Variants in LRRC9 observed in about 807,000 individuals in gnomAD.
LRRC9 encodes leucine rich repeat containing 9.
A neutral mutation model predicts 63.2 loss-of-function variants in LRRC9; 122 were observed. The observed-to-expected ratio is 1.93, with a 90% CI of 1.67 to 2.24. LRRC9 has a LOEUF of 2.24. Among genes scored for constraint, LRRC9 ranks in the 30% most tolerant of loss-of-function variants. The pLI is 0.00. For missense variants in LRRC9, 1,071 were observed against 627.7 expected (o/e 1.71, Z -7.55); for synonymous variants, 366 against 213.1 (o/e 1.72, Z -6.25).
rs150559184 is a variant in LRRC9, at chr14:60,037,883, G to A, written c.3990+5820G>A. ...TGGTATTGTCTAGGTTTTCTTCTAG[G>A]GTTTTTATGGTTTTAGGTCTAAATT... On this transcript the variant is annotated intron_variant, in intron 29 of 31. Coordinates refer to ENST00000445360, the Ensembl canonical transcript of LRRC9. 3.4e-3 allele frequency among the ~76,000 whole-genome samples: 516 copies of A among 152,128 alleles called. 18 individuals carry two copies. The East Asian group carries it at 0.058, about 17-fold the overall frequency.
intron 7 of LRRC9, among the ~76,000 whole-genome samples, chr14:59,939,661 C>G (rs1035155794): frequency 9.9e-5 from 15 of 151,790 alleles, no homozygotes; most frequent in Admixed American, 2.0e-4. Context: ...ATATTAAGTA[C>G]AGAGGAAAGA....
rs938250486 is a variant in LRRC9 at position 59,930,983 on chromosome 14, CA to C, written c.337del (p.Ile113Ter). 5 of 446,734 alleles carry C rather than the reference CA, an allele frequency of 1.1e-5. No individual in the cohort carries two copies. Among genetic ancestry groups the C allele is most frequent in the Non-Finnish European group, 2.0e-5 (5 of 246,842 alleles). The allele number at this position is 446,734 out of a possible 1,614,324, so 27.7% of individuals were successfully genotyped here. On this transcript the variant is annotated frameshift_variant, in exon 4 of 32. Transcript: ENST00000445360. LOFTEE classifies it high-confidence loss of function. This position sits in a 1 kb window ranked among gnomAD's most constrained non-coding sequence, Gnocchi z 4.9. ...TATATTTATATTTTAATAAAATTTC[CA>C]AAATAGAAAATTTAGAGAAATTAAT...
chr14:59,979,279 T>C (rs1886651885), intron 15 of LRRC9, among the ~76,000 whole-genome samples: 1 of 152,178 alleles, frequency 6.6e-6, no homozygotes. Flanking sequence ...ATTTATCTTA[T>C]ATATGTTGCA....
At position 59,938,551 on chromosome 14, in the gene LRRC9, G is replaced by A; in HGVS notation, c.705G>A (p.Lys235=). The change falls in exon 7 of 32, where the codon AAG becomes AAA. Residue 235 remains lysine (K), a synonymous_variant. Transcript: ENST00000445360. The surrounding 1 kb of genome is among the most constrained non-coding windows in gnomAD (Gnocchi z 4.2). ...TTGACACATTGGATGTGTCAGCAAA[G>A]CAAATCAAGGAACTGGCAGATGTAA... The A allele has an allele frequency of 1.4e-6, 1 of 692,162 alleles. No homozygotes were observed. The highest frequency in any genetic ancestry group is 2.6e-6 in the Non-Finnish European group (1 of 380,512). 42.9% of individuals were successfully genotyped at this position (692,162 alleles called of 1,614,324 possible). A position where few individuals can be genotyped will look rare whatever the true frequency, so the allele number is the denominator to read the frequency against.
chr14:59,968,756 T>C (rs1885138637), intron 12 of LRRC9, among the ~76,000 whole-genome samples: 3 of 152,024 alleles, frequency 2.0e-5, no homozygotes, highest in Admixed American at 2.0e-4. Flanking sequence ...CACTTCTGTG[T>C]TTTCCACCTA....
At chr14:59,995,372 A>G (rs1888650086) in intron 17 of LRRC9, among the ~76,000 whole-genome samples, 1 of 152,016 alleles carries the variant, frequency 6.6e-6, no homozygotes, top group South Asian at 2.1e-4. Context: ...TAACAATTAC[A>G]ATTCTAATTT....
intron 11 of LRRC9, 72 bp from the exon 12 acceptor site, chr14:59,967,024 T>C: frequency 7.2e-6 from 4 of 555,938 alleles, no homozygotes; most frequent in East Asian, 5.6e-5. Flanking sequence ...GCAGGACATA[T>C]GGTTATCTTA....
chr14:59,955,467 T>C (rs2139936487), intron 8 of LRRC9, among the ~76,000 whole-genome samples: 1 of 152,348 alleles, frequency 6.6e-6, no homozygotes, highest in East Asian at 1.9e-4. Context: ...GTAGTTTGTA[T>C]TTCTGTGGGA....
chr14:59,949,673 G>A lies in LRRC9; in HGVS notation c.882+4929G>A, dbSNP rs150671. Among the ~76,000 whole-genome samples, 965 of 150,918 alleles carry A rather than the reference G, an allele frequency of 6.4e-3. 12 individuals are homozygous for A. Among genetic ancestry groups the A allele is most frequent in the African/African-American group, 0.019 (761 of 40,972 alleles). ...TCCCTCTACACACTGCTTTGAATGC[G>A]TCCCAGAGATTCTGGTATGTTGTGT... On this transcript the variant is annotated intron_variant, in intron 8 of 31. Transcript: ENST00000445360.
At position 59,990,546 on chromosome 14, in the gene LRRC9, C is replaced by A. The variant is rs1437522707; in HGVS notation, c.2211+5322C>A. On this transcript the variant is annotated intron_variant, in intron 17 of 31. Transcript: ENST00000445360. This position sits in a 1 kb window ranked among gnomAD's most constrained non-coding sequence, Gnocchi z 4.2. ...TCAGCCTCCTGGGTAGCTGGAACTACAGGTGCATGCCACCACACCCTGCTA... is the reference window on the plus strand; with the variant it reads ...TCAGCCTCCTGGGTAGCTGGAACTAAAGGTGCATGCCACCACACCCTGCTA... Among the ~76,000 whole-genome samples, 3 of 151,870 alleles carry A rather than the reference C, an allele frequency of 2.0e-5. No individual in the cohort carries two copies. Among genetic ancestry groups the A allele is most frequent in the African/African-American group, 7.3e-5 (3 of 41,320 alleles).
rs1021058031 is a variant in LRRC9, at chr14:60,051,105, C to G, written c.3991-1960C>G. On this transcript the variant is annotated intron_variant, in intron 29 of 31. Coordinates refer to ENST00000445360, the Ensembl canonical transcript of LRRC9. The surrounding 1 kb of genome is among the most constrained non-coding windows in gnomAD (Gnocchi z 4.7). ...AGTAGTCTGGCTGCTTTTGGTAGAG[C>G]CAGTGTGCTCCATTGGTGAGGGACT... Among the ~76,000 whole-genome samples the G allele has an allele frequency of 9.2e-5, 14 of 152,206 alleles. No individual in the cohort carries two copies. Among genetic ancestry groups the G allele is most frequent in the Non-Finnish European group, 1.9e-4 (13 of 68,028 alleles).
chr14:60,009,416 A>G (rs968553460), intron 23 of LRRC9, among the ~76,000 whole-genome samples: 2 of 152,164 alleles, frequency 1.3e-5, no homozygotes, highest in Non-Finnish European at 2.9e-5. Context: ...CCTTTATAAA[A>G]CCATCAGATC....
At chr14:59,939,307 G>A (rs1380265390) in intron 7 of LRRC9, among the ~76,000 whole-genome samples, 3 of 151,960 alleles carry the variant, frequency 2.0e-5, no homozygotes, top group Admixed American at 6.6e-5. Context: ...GGGAAGAGAA[G>A]TAACAGATGA....
At position 60,003,275 on chromosome 14, in the gene LRRC9, G is replaced by T. The variant is rs969764154; in HGVS notation, c.2665-346G>T. Among the ~76,000 whole-genome samples the T allele has an allele frequency of 6.6e-6, 1 of 152,194 alleles. No individual in the cohort carries two copies. On this transcript the variant is annotated intron_variant, in intron 20 of 31. Coordinates refer to ENST00000445360, the Ensembl canonical transcript of LRRC9. This position sits in a 1 kb window ranked among gnomAD's most constrained non-coding sequence, Gnocchi z 4.2. ...ACTGGCTGAGGGCCAACCTGGGAAGGAGAGTGACCTTGGCAGCTGTCTACA... is the reference window on the plus strand; with the variant it reads ...ACTGGCTGAGGGCCAACCTGGGAAGTAGAGTGACCTTGGCAGCTGTCTACA...
At chr14:59,999,339 A>C (rs894011213) in intron 19 of LRRC9, 113 bp downstream of exon 19, 19 of 481,702 alleles carry the variant, frequency 3.9e-5, no homozygotes, top group Non-Finnish European at 7.0e-5. Flanking sequence ...TATTAATAAA[A>C]AATTAATATA....
intron 23 of LRRC9, among the ~76,000 whole-genome samples, chr14:60,009,843 A>G (rs1206356216): frequency 2.0e-5 from 3 of 152,220 alleles, no homozygotes; most frequent in Non-Finnish European, 2.9e-5. Flanking sequence ...TACAGGCCGC[A>G]TGCAAGCCCA....
chr14:60,052,672 ATAC>A (rs1893980732), intron 29 of LRRC9, among the ~76,000 whole-genome samples: 1 of 152,242 alleles, frequency 6.6e-6, no homozygotes, highest in African/African-American at 2.4e-5. Context: ...GAGTAGGTTG[ATAC>A]TATGAAGAGA....
rs1441918522 is a variant in LRRC9 at position 60,053,172 on chromosome 14, T to G, written c.4098T>G (p.Phe1366Leu). The G allele has an allele frequency of 2.9e-6, 2 of 700,964 alleles. No homozygotes were observed. Among genetic ancestry groups the G allele is most frequent in the South Asian group, 3.0e-5 (2 of 67,130 alleles). The allele number at this position is 700,964 out of a possible 1,614,324, so 43.4% of individuals were successfully genotyped here. Residue 1366 changes from phenylalanine to leucine, a missense_variant, in exon 30 of 32, where the codon TTT (phenylalanine) becomes TTG (leucine). Phe to Leu is a conservative substitution (Grantham distance 22, BLOSUM62 0). Transcript: ENST00000445360. This position sits in a 1 kb window ranked among gnomAD's most constrained non-coding sequence, Gnocchi z 4.8. ...CAGATGATAGGGCAAAAGCTGAATT[T>G]CACCTCGCTGAACTACAAGCAAAGA...
intron 17 of LRRC9, among the ~76,000 whole-genome samples, chr14:59,997,259 C>G (rs368603416): frequency 6.6e-6 from 1 of 152,068 alleles, no homozygotes; most frequent in African/African-American, 2.4e-5. Flanking sequence ...ATTAAGTTAA[C>G]AGGTTTAGTT....
Sources: allele counts gnomAD v4.1 joint callset (sites outside exome capture counted in the v4.1 genomes callset), GRCh38; gene constraint gnomAD v4.1.1; non-coding constraint Gnocchi (gnomAD v3.1); transcripts MANE v1.5; gene names NCBI Gene and HGNC (gene_info 2026-07-23, HGNC 2026-07-21).